The following SGSM1 variants were observed in gnomAD, a reference collection of about 807,000 sequenced individuals.
The protein encoded by SGSM1 is RUN and TBC1 domain containing 2.
A neutral mutation model predicts 133.8 loss-of-function variants in SGSM1; 73 were observed. The observed-to-expected ratio is 0.55, with a 90% CI of 0.45 to 0.66. The LOEUF (loss-of-function observed/expected upper bound fraction) is 0.66. Among genes scored for constraint, SGSM1 ranks in the 30% least tolerant of loss-of-function variants. The pLI, the probability that SGSM1 is intolerant of heterozygous loss-of-function variation, is 0.00. For synonymous variants in SGSM1, 563 were observed against 573.0 expected, an observed-to-expected ratio of 0.98 and a Z score of 0.25; for missense variants, 1,213 against 1,448.1, an observed-to-expected ratio of 0.84 and a Z score of 2.64.
Position 24,868,847 on chromosome 22 carries a change from C to G in SGSM1, c.1283C>G (p.Ser428Trp). 1 of 1,613,720 alleles carries G rather than the reference C, an allele frequency of 6.2e-7. No homozygotes were observed. The highest frequency in any genetic ancestry group is 8.5e-7 in the Non-Finnish European group (1 of 1,179,824). ...VFRIIYPGMQSEFVPQDLMDV... is the reference protein window; with the variant it reads ...VFRIIYPGMQWEFVPQDLMDV... The stretch of plus-strand genomic sequence containing the variant: ...AGGATCATCTACCCTGGCATGCAGT[C>G]GGAATTCGGTGAGCTGCCCTGTCCC... Residue 428 changes from serine to tryptophan, a missense_variant, in exon 12 of 25, where the codon TCG (serine) becomes TGG (tryptophan). By Grantham distance (177) the Ser-to-Trp change is radical (BLOSUM62 -3). Transcript: ENST00000400358.
intron 2 of SGSM1, among the ~76,000 whole-genome samples, chr22:24,832,868 T>C (rs987397482): frequency 6.6e-6 from 1 of 152,038 alleles, no homozygotes; most frequent in African/African-American, 2.4e-5. Flanking sequence ...GCCTCCCTCC[T>C]TGGCTCATAG....
intron 2 of SGSM1, among the ~76,000 whole-genome samples, chr22:24,823,329 G>A (rs1443833053): frequency 1.3e-5 from 2 of 152,196 alleles, no homozygotes; most frequent in Non-Finnish European, 2.9e-5. Flanking sequence ...TTTGCCAGGC[G>A]CGGTGGCTCG....
chr22:24,915,168 G>A (rs1345107258), intron 22 of SGSM1, among the ~76,000 whole-genome samples: 1 of 152,214 alleles, frequency 6.6e-6, no homozygotes, highest in Admixed American at 6.5e-5. Context: ...GGCGGAGCTT[G>A]CAGTGAGCCG....
At chr22:24,854,405 C>T (rs1462193675) in intron 5 of SGSM1, among the ~76,000 whole-genome samples, 3 of 152,176 alleles carry the variant, frequency 2.0e-5, no homozygotes, top group Admixed American at 2.0e-4. Flanking sequence ...CCTCCACAAC[C>T]TGCTAATTAT....
chr22:24,905,705 C>T lies in SGSM1; in HGVS notation c.2818+518C>T, dbSNP rs189092192. 4.6e-3 allele frequency among the ~76,000 whole-genome samples: 685 copies of T among 150,522 alleles called. 4 individuals carry two copies. The highest frequency in any genetic ancestry group is 0.016 in the African/African-American group (647 of 40,908). The stretch of plus-strand genomic sequence containing the variant: ...TCAGGAGGCTGAGGCAGGAGAATGG[C>T]GTGAACCCGGGAGGTGGAGCTTGCA... On this transcript the variant is annotated intron_variant, in intron 21 of 24. Coordinates refer to ENST00000400358, the MANE Select transcript of SGSM1 (RefSeq NM_001098497.3).
chr22:24,832,359 A>C (rs370481090), intron 2 of SGSM1, among the ~76,000 whole-genome samples: 10 of 152,268 alleles, frequency 6.6e-5, no homozygotes, highest in East Asian at 5.8e-4. Context: ...GGTTAGTGTT[A>C]TTTTCAGAGA....
intron 9 of SGSM1, among the ~76,000 whole-genome samples, chr22:24,866,547 G>C (rs1237355935): frequency 1.3e-5 from 2 of 152,218 alleles, no homozygotes; most frequent in Non-Finnish European, 2.9e-5. Flanking sequence ...GGCATGGATG[G>C]ATCCAGGGAC....
intron 19 of SGSM1, among the ~76,000 whole-genome samples, chr22:24,900,413 T>TTCTTTCTTCTTTCTTTCTTTCTTTCTTTC (rs1555935573): frequency 7.0e-6 from 1 of 141,936 alleles, no homozygotes; most frequent in African/African-American, 2.9e-5. Flanking sequence ...CTTTCTGTAT[T>TTCTTTCTTCTTTCTTTCTTTCTTTCTTTC]TTTGAGACAG....
In SGSM1 at chr22:24,912,715, T is replaced by C; in HGVS notation, c.2891T>C (p.Met964Thr). ...MNQNFPHGGA[M>T]DTHFANMRSL... ...CAGAACTTCCCCCACGGAGGCGCCA[T>C]GGACACGCACTTTGCAAACATGAGA... Residue 964 changes from methionine to threonine, a missense_variant, in exon 22 of 25, where the codon ATG (methionine) becomes ACG (threonine). Physicochemically the swap from Met to Thr is moderately conservative, Grantham distance 81. Transcript: ENST00000400358. 5 of 1,613,752 alleles carry C rather than the reference T, an allele frequency of 3.1e-6. No homozygotes were observed. In the South Asian group the frequency reaches 4.4e-5, roughly 14 times the overall value.
At chr22:24,829,150 C>T (rs62232200) in intron 2 of SGSM1, among the ~76,000 whole-genome samples, 19,036 of 151,572 alleles carry the variant, frequency 0.13, 1,382 homozygotes, top group East Asian at 0.21. Flanking sequence ...GAGCCGAGAT[C>T]GTGCCACTGC....
intron 9 of SGSM1, among the ~76,000 whole-genome samples, chr22:24,863,281 C>T (rs539247694): frequency 3.3e-5 from 5 of 152,258 alleles, no homozygotes; most frequent in East Asian, 1.9e-4. Flanking sequence ...CTCAGCCTCC[C>T]GGGTAGCTGG....
chr22:24,861,862 T>G (rs1460391035), intron 9 of SGSM1, among the ~76,000 whole-genome samples: 1 of 151,286 alleles, frequency 6.6e-6, no homozygotes, highest in Non-Finnish European at 1.5e-5. Flanking sequence ...TGGAGATGGT[T>G]TCTCGTTTTG....
chr22:24,857,967 T>C (rs1363796359), intron 8 of SGSM1, among the ~76,000 whole-genome samples: 1 of 152,122 alleles, frequency 6.6e-6, no homozygotes, highest in East Asian at 1.9e-4. Context: ...CACTCTCATC[T>C]CGGGGATGTT....
chr22:24,867,358 T>G (rs1467874894), intron 10 of SGSM1, among the ~76,000 whole-genome samples, 198 bp downstream of exon 10: 1 of 152,214 alleles, frequency 6.6e-6, no homozygotes, highest in Non-Finnish European at 1.5e-5. Flanking sequence ...AACAGGACCC[T>G]CTCATGGGGT....
At chr22:24,831,687 A>G (rs1229241852) in intron 2 of SGSM1, among the ~76,000 whole-genome samples, 2 of 152,132 alleles carry the variant, frequency 1.3e-5, no homozygotes, top group East Asian at 3.8e-4. Flanking sequence ...TCCAAAACAA[A>G]AAGCCCTCTT....
In SGSM1 at chr22:24,884,096, A is replaced by G. The variant is rs759921698; in HGVS notation, c.1539A>G (p.Leu513=). The G allele has an allele frequency of 2.5e-6, 4 of 1,613,548 alleles. No homozygotes were observed. Among genetic ancestry groups the G allele is most frequent in the African/African-American group, 2.7e-5 (2 of 74,916 alleles). The part of the protein sequence containing the change: ...CRHLSTVRTH[L]SALVNHMIVS... ...ACCTGTCCACCGTGAGAACCCACCT[A>G]TCAGCCCTGGTCAATCACATGATCG... Residue 513 remains leucine, a synonymous_variant, in exon 15 of 25, where the codon CTA becomes CTG. Coordinates refer to ENST00000400358, the MANE Select transcript of SGSM1 (RefSeq NM_001098497.3).
chr22:24,847,628 C>T lies in SGSM1; in HGVS notation c.140-6C>T. Reference sequence around the variant, plus strand: ...GCAGGGTCTGCTGACTGCCATGTCCCTGCAGCGGCTGTGGAGGCCTGCGTT... The same window carrying T: ...GCAGGGTCTGCTGACTGCCATGTCCTTGCAGCGGCTGTGGAGGCCTGCGTT... On this transcript the variant is annotated splice_region_variant and splice_polypyrimidine_tract_variant and intron_variant, in intron 3 of 24. Coordinates refer to ENST00000400358, the MANE Select transcript of SGSM1 (RefSeq NM_001098497.3). 1 of 1,612,762 alleles carries T rather than the reference C, an allele frequency of 6.2e-7. No individual in the cohort carries two copies. The highest frequency in any genetic ancestry group is 8.5e-7 in the Non-Finnish European group (1 of 1,179,420).
rs374734158 is a variant in SGSM1, at chr22:24,845,033, T to C, written c.139+61T>C. ...TGTGGGCTGCCTCGGGGAAGTGGTG[T>C]CTTGGAGCCACTGTTTTGCTTTATG... On this transcript the variant is annotated intron_variant, in intron 3 of 24. Transcript: ENST00000400358. 7.2e-6 allele frequency: 11 copies of C among 1,523,710 alleles called. No homozygotes were observed. The African/African-American group carries it at 1.5e-4, about 21-fold the overall frequency. The allele number at this position is 1,523,710 out of a possible 1,614,324, so 94.4% of individuals were successfully genotyped here. A position where few individuals can be genotyped will look rare whatever the true frequency, so the allele number is the denominator to read the frequency against.
At chr22:24,847,504 G>A (rs1050173012) in intron 3 of SGSM1, 130 bp from the exon 4 acceptor site, 1 of 1,165,804 alleles carries the variant, frequency 8.6e-7, no homozygotes, top group African/African-American at 1.5e-5. Context: ...CCCTGTCTCT[G>A]GGGTAAGACA....
Sources: allele counts gnomAD v4.1 joint callset (sites outside exome capture counted in the v4.1 genomes callset), GRCh38; gene constraint gnomAD v4.1.1; transcripts MANE v1.5; gene names NCBI Gene and HGNC (gene_info 2026-07-23, HGNC 2026-07-21).